Variants in PPEF1 observed in about 807,000 individuals in gnomAD.
PPEF1 encodes serine/threonine-protein phosphatase with EF-hands 1.
A neutral mutation model predicts 53.3 loss-of-function variants in PPEF1; 12 were observed. The ratio of observed to expected loss-of-function variants is 0.23; its 90% CI spans 0.14 to 0.36. The LOEUF is 0.36. Among genes scored for constraint, PPEF1 ranks in the 10% least tolerant of loss-of-function variants. The pLI is 1.00. For missense variants in PPEF1, 334 were observed against 490.4 expected, an observed-to-expected ratio of 0.68 and a Z score of 3.01; for synonymous variants, 165 against 176.7, an observed-to-expected ratio of 0.93 and a Z score of 0.52.
intron 1 of PPEF1, among the ~76,000 whole-genome samples, chrX:18,716,405 G>A (rs1018179960): frequency 1.1e-4 from 12 of 108,154 alleles, no homozygotes; most frequent in South Asian, 4.1e-4. Context: ...GGTGGCGGGC[G>A]CCTGTAGTCC....
At chrX:18,677,131 C>T (rs1450112910) in intron 1 of PPEF1, among the ~76,000 whole-genome samples, 1 of 108,350 alleles carries the variant, frequency 9.2e-6, no homozygotes, top group Non-Finnish European at 1.9e-5. Context: ...CTCTGCCTCC[C>T]GTTCGAGCAA....
At chrX:18,821,084 G>A (rs994775226) in intron 13 of PPEF1, among the ~76,000 whole-genome samples, 53 of 108,225 alleles carry the variant, frequency 4.9e-4, no homozygotes, top group Non-Finnish European at 9.4e-4. Flanking sequence ...TTAGCCAGGC[G>A]TGGTGGCGGG....
intron 14 of PPEF1, 54 bp from the exon 15 acceptor site, chrX:18,825,697 C>A: frequency 1.3e-6 from 1 of 750,429 alleles, no homozygotes; most frequent in Non-Finnish European, 1.9e-6. Flanking sequence ...TTGCTAAAAG[C>A]GATCAGTGTC....
At chrX:18,689,545 G>A (rs752124576) in intron 3 of PPEF1, among the ~76,000 whole-genome samples, 11 of 108,681 alleles carry the variant, frequency 1.0e-4, no homozygotes, top group Non-Finnish European at 1.9e-4. Context: ...GTGTTATAGA[G>A]CAGTGCCCCT....
Position 18,736,524 on chromosome X carries a change from G to A in PPEF1, c.235+2716G>A, listed in dbSNP as rs1440063881. Among the ~76,000 whole-genome samples the A allele has an allele frequency of 1.7e-4, 19 of 111,544 alleles. 1 individual carries two copies. Among genetic ancestry groups the A allele is most frequent in the African/African-American group, 5.9e-4 (18 of 30,737 alleles). On this transcript the variant is annotated intron_variant, in intron 3 of 15. Coordinates refer to ENST00000470157, the MANE Select transcript of PPEF1 (RefSeq NM_001377996.1). ...AGCTTTTTGATGTGCTGCTGGATTC[G>A]GTTTGCCAGTATTTTATTGAGGATT...
intron 3 of PPEF1, among the ~76,000 whole-genome samples, chrX:18,735,593 T>A (rs1287494995): frequency 1.8e-5 from 2 of 111,763 alleles, no homozygotes; most frequent in Non-Finnish European, 3.8e-5. Context: ...TTGGCTTAGG[T>A]TTGTCTTGGC....
chrX:18,696,051 C>T (rs1307798721), intron 4 of PPEF1, among the ~76,000 whole-genome samples: 6 of 112,480 alleles, frequency 5.3e-5, no homozygotes. Flanking sequence ...CCAGAATTCA[C>T]CCTTGAAAAT....
intron 15 of PPEF1, among the ~76,000 whole-genome samples, chrX:18,826,905 C>T (rs1035744376): frequency 9.0e-6 from 1 of 110,732 alleles, no homozygotes; most frequent in Non-Finnish European, 1.9e-5. Context: ...CTCTTATTGA[C>T]TCCCACCGTA....
At chrX:18,780,003 A>G (rs1196771067) in intron 7 of PPEF1, among the ~76,000 whole-genome samples, 1 of 112,030 alleles carries the variant, frequency 8.9e-6, no homozygotes, top group Non-Finnish European at 1.9e-5. Flanking sequence ...TGCTAAAACT[A>G]TGAAGGAAAA....
intron 6 of PPEF1, 136 bp downstream of exon 6, chrX:18,761,712 G>T: frequency 2.5e-6 from 1 of 403,534 alleles, no homozygotes; most frequent in Non-Finnish European, 4.1e-6. Context: ...GAGGCTCAAA[G>T]ATTTGTAGAG....
chrX:18,801,640 CAG>C lies in PPEF1; in HGVS notation c.1066-2245_1066-2244del, dbSNP rs201527561. ...TTTCAAGGTTATGTAGCTTTAATGGCAGAGAGAGTTTTTCTCACCGCTTTAAG... is the reference window on the plus strand; with the variant it reads ...TTTCAAGGTTATGTAGCTTTAATGGCAGAGAGTTTTTCTCACCGCTTTAAG... On this transcript the variant is annotated intron_variant, in intron 10 of 15. Transcript: ENST00000470157. Among the ~76,000 whole-genome samples the C allele has an allele frequency of 9.2e-3, 1,022 of 111,465 alleles. 14 individuals are homozygous for C. The highest frequency in any genetic ancestry group is 0.032 in the African/African-American group (975 of 30,657).
intron 2 of PPEF1, among the ~76,000 whole-genome samples, chrX:18,685,135 G>C (rs1044319045): frequency 8.9e-6 from 1 of 112,295 alleles, no homozygotes; most frequent in Non-Finnish European, 1.9e-5. Flanking sequence ...GGATTCAACT[G>C]GGCACGCAAT....
At chrX:18,800,473 A>G (rs1052969867) in intron 10 of PPEF1, among the ~76,000 whole-genome samples, 4 of 111,688 alleles carry the variant, frequency 3.6e-5, no homozygotes, top group African/African-American at 1.3e-4. Context: ...TATTTGGAAA[A>G]AAAGAAAACA....
intron 1 of PPEF1, among the ~76,000 whole-genome samples, chrX:18,716,531 CAAA>C (rs34160021): frequency 1.1e-4 from 5 of 44,633 alleles, no homozygotes; most frequent in African/African-American, 3.4e-4. Flanking sequence ...GACACCATCT[CAAA>C]AAAAAAAAAA....
chrX:18,763,613 AT>A (rs956705869), intron 6 of PPEF1, among the ~76,000 whole-genome samples: 8 of 108,237 alleles, frequency 7.4e-5, no homozygotes, highest in African/African-American at 1.3e-4. Flanking sequence ...ATGAACTGCA[AT>A]TTTTTTTTTC....
chrX:18,798,235 A>G (rs944258890), intron 10 of PPEF1, among the ~76,000 whole-genome samples: 14 of 110,209 alleles, frequency 1.3e-4, no homozygotes, highest in African/African-American at 4.6e-4. Context: ...GTCTCACTAT[A>G]TTGCCCAGAC....
intron 13 of PPEF1, among the ~76,000 whole-genome samples, chrX:18,821,780 AG>A (rs1569273801): frequency 1.3e-4 from 14 of 103,842 alleles, no homozygotes; most frequent in East Asian, 3.0e-4. Context: ...AGAGAGAGAG[AG>A]AGAGAGAGAG....
At chrX:18,758,466 A>T (rs1313641456) in intron 5 of PPEF1, among the ~76,000 whole-genome samples, 1 of 111,991 alleles carries the variant, frequency 8.9e-6, no homozygotes, top group Non-Finnish European at 1.9e-5. Context: ...TTATTCTGGC[A>T]GGTAGAAGTG....
chrX:18,682,215 C>G (rs961672875), upstream of PPEF1, among the ~76,000 whole-genome samples: 2 of 112,224 alleles, frequency 1.8e-5, no homozygotes, highest in South Asian at 3.7e-4. Context: ...AGCCCAGAAT[C>G]TTGACCACTG....
Sources: allele counts gnomAD v4.1 joint callset (sites outside exome capture counted in the v4.1 genomes callset), GRCh38; gene constraint gnomAD v4.1.1; transcripts MANE v1.5; gene names NCBI Gene and HGNC (gene_info 2026-07-23, HGNC 2026-07-21).